The following SLAIN2 variants were observed in gnomAD, a reference collection of about 807,000 sequenced individuals.
SLAIN2 encodes SLAIN family member 2.
Under a neutral mutation model 56.6 loss-of-function variants are expected in SLAIN2, and 31 were observed. The observed-to-expected ratio is 0.55, with a 90% confidence interval of 0.41 to 0.74. The LOEUF (loss-of-function observed/expected upper bound fraction) is 0.74. SLAIN2 is among the 30% of genes least tolerant of loss of function. The probability of loss-of-function intolerance (pLI) is 0.00; values close to 1 mark genes in which losing one functional copy is unlikely to be tolerated. For synonymous variants in SLAIN2, 317 were observed against 284.9 expected, an observed-to-expected ratio of 1.11 and a Z score of -1.13; for missense variants, 777 against 754.2, an observed-to-expected ratio of 1.03 and a Z score of -0.35.
chr4:48,363,824 G>A (rs1715419066), intron 1 of SLAIN2, among the ~76,000 whole-genome samples: 1 of 141,418 alleles, frequency 7.1e-6, no homozygotes, highest in African/African-American at 2.6e-5. Context: ...CTCCCGGACG[G>A]GGTGGCTGGC....
chr4:48,408,126 C>A (rs1367856802), intron 6 of SLAIN2, among the ~76,000 whole-genome samples: 2 of 152,022 alleles, frequency 1.3e-5, no homozygotes, highest in Non-Finnish European at 2.9e-5. Flanking sequence ...CATTTGAGCC[C>A]ATGAGTTTGA....
intron 6 of SLAIN2, among the ~76,000 whole-genome samples, chr4:48,384,909 TAGAA>T (rs1203943005): frequency 1.3e-5 from 2 of 152,080 alleles, no homozygotes; most frequent in Admixed American, 6.6e-5. Flanking sequence ...GCAACTTTCT[TAGAA>T]AGCATTAATA....
At position 48,374,031 on chromosome 4, in the gene SLAIN2, T is replaced by G. The variant is rs1196534506; in HGVS notation, c.539-3865T>G. On this transcript the variant is annotated intron_variant, in intron 2 of 7. Transcript: ENST00000264313. ...CCAGCCTGGGCAGCAAGAGTGAAAC[T>G]CCATCTCAGAAAAAGGAGATGGAGT... 1.3e-5 allele frequency among the ~76,000 whole-genome samples: 2 copies of G among 151,328 alleles called. 1 individual carries two copies. The highest frequency in any genetic ancestry group is 2.9e-5 in the Non-Finnish European group (2 of 67,888).
chr4:48,407,300 A>T (rs1716724061), intron 6 of SLAIN2, among the ~76,000 whole-genome samples: 1 of 152,062 alleles, frequency 6.6e-6, no homozygotes, highest in South Asian at 2.1e-4. Flanking sequence ...TTTATAGCCA[A>T]TTCCTTCCTG....
At chr4:48,374,087 G>GCA (rs1397354257) in intron 2 of SLAIN2, among the ~76,000 whole-genome samples, 1 of 152,114 alleles carries the variant, frequency 6.6e-6, no homozygotes, top group African/African-American at 2.4e-5. Context: ...AAAGGCATGT[G>GCA]CAAAGGCTCC....
At chr4:48,359,701 TAAAG>T (rs1319190521) in intron 1 of SLAIN2, among the ~76,000 whole-genome samples, 2 of 152,234 alleles carry the variant, frequency 1.3e-5, no homozygotes, top group African/African-American at 2.4e-5. Flanking sequence ...TTATTACACT[TAAAG>T]AAATAGTTAT....
intron 6 of SLAIN2, among the ~76,000 whole-genome samples, chr4:48,399,292 T>C (rs1560462420): frequency 6.6e-6 from 1 of 152,228 alleles, no homozygotes; most frequent in African/African-American, 2.4e-5. Flanking sequence ...ATTCATGATT[T>C]GGCCCTCCGC....
At chr4:48,418,017 AT>A (rs1248830361) in intron 6 of SLAIN2, among the ~76,000 whole-genome samples, 1 of 149,952 alleles carries the variant, frequency 6.7e-6, no homozygotes, top group African/African-American at 2.5e-5. Flanking sequence ...ATTCATTGGG[AT>A]TTTCTGTGTA....
At chr4:48,401,137 T>C (rs1302649711) in intron 6 of SLAIN2, among the ~76,000 whole-genome samples, 5 of 152,216 alleles carry the variant, frequency 3.3e-5, no homozygotes, top group Admixed American at 3.3e-4. Context: ...TTAATTTGAT[T>C]GTGCTGTGGT....
chr4:48,389,332 C>T (rs570842560), intron 6 of SLAIN2, among the ~76,000 whole-genome samples: 4 of 152,276 alleles, frequency 2.6e-5, no homozygotes, highest in African/African-American at 4.8e-5. Context: ...TTCTGGAGCA[C>T]GTTCAAGTTT....
At chr4:48,416,403 T>TGGAAACTGAACAACC (rs1553905314) in intron 6 of SLAIN2, among the ~76,000 whole-genome samples, 2 of 122,066 alleles carry the variant, frequency 1.6e-5, no homozygotes, top group Non-Finnish European at 3.4e-5. Context: ...TTTTTGTACA[T>TGGAAACTGAACAACC]TGATTTTGTA....
chr4:48,419,475 A>G (rs1438189462), intron 6 of SLAIN2, among the ~76,000 whole-genome samples: 1 of 152,096 alleles, frequency 6.6e-6, no homozygotes, highest in African/African-American at 2.4e-5. Flanking sequence ...ATCTCGGCTC[A>G]CTGCAGCCTC....
chr4:48,421,211 T>G (rs1018370889), intron 7 of SLAIN2, among the ~76,000 whole-genome samples: 1 of 152,126 alleles, frequency 6.6e-6, no homozygotes, highest in African/African-American at 2.4e-5. Context: ...TTTACCATGT[T>G]GCCCAGGCTT....
intron 1 of SLAIN2, among the ~76,000 whole-genome samples, chr4:48,362,730 TTC>T (rs1200484064): frequency 4.2e-4 from 41 of 96,608 alleles, no homozygotes; most frequent in Middle Eastern, 5.3e-3. Context: ...GTTTTTAAAT[TTC>T]TTTTTTTTTT....
chr4:48,356,165 C>T (rs1448081565), intron 1 of SLAIN2, among the ~76,000 whole-genome samples: 1 of 152,114 alleles, frequency 6.6e-6, no homozygotes, highest in Non-Finnish European at 1.5e-5. Flanking sequence ...GAAAATATGA[C>T]GTTTTAGCCA....
rs546078261 is a variant in SLAIN2 at position 48,350,906 on chromosome 4, A to C, written c.389+8778A>C. On this transcript the variant is annotated intron_variant, in intron 1 of 7. Transcript: ENST00000264313. The stretch of plus-strand genomic sequence containing the variant: ...AAGAATAATAGATGCAATATAATGT[A>C]GTACCACGGTATCAGATATGAAATT... Among the ~76,000 whole-genome samples, 727 of 152,356 alleles carry C rather than the reference A, an allele frequency of 4.8e-3. 4 individuals are homozygous for C. Among genetic ancestry groups the C allele is most frequent in the Non-Finnish European group, 7.6e-3 (517 of 68,030 alleles).
intron 6 of SLAIN2, among the ~76,000 whole-genome samples, chr4:48,385,700 C>T (rs1268213311): frequency 6.7e-6 from 1 of 150,228 alleles, no homozygotes; most frequent in Non-Finnish European, 1.5e-5. Context: ...GTGGCACAAT[C>T]ATGGCTCACT....
chr4:48,383,336 TAAAAG>T (rs1379853439), intron 5 of SLAIN2, among the ~76,000 whole-genome samples: 3 of 152,114 alleles, frequency 2.0e-5, no homozygotes, highest in East Asian at 1.9e-4. Context: ...ATTACAAAAA[TAAAAG>T]AGAAAGTGAA....
At chr4:48,351,886 T>G (rs1291346055) in intron 1 of SLAIN2, among the ~76,000 whole-genome samples, 1 of 152,216 alleles carries the variant, frequency 6.6e-6, no homozygotes, top group Non-Finnish European at 1.5e-5. Flanking sequence ...GAGCCGGGAC[T>G]TTGGATTTGG....
Sources: gnomAD v4.1 joint callset for allele counts (sites outside exome capture counted in the v4.1 genomes callset) on GRCh38, gnomAD v4.1.1 for gene constraint, MANE v1.5 for transcripts, NCBI Gene and HGNC (gene_info 2026-07-23, HGNC 2026-07-21) for gene names.